PTPRF: variants seen among roughly 807,000 people sequenced by gnomAD.
PTPRF encodes the protein protein tyrosine phosphatase receptor type F.
A neutral mutation model predicts 201.8 loss-of-function variants in PTPRF; 59 were observed. That is an observed-to-expected ratio of 0.29 (90% CI 0.24 to 0.36). PTPRF has a LOEUF of 0.36. PTPRF is among the 10% of genes least tolerant of loss of function. The pLI is 1.00. For missense variants in PTPRF, 2,132 were observed against 2,690.5 expected (o/e 0.79, Z 4.59); for synonymous variants, 1,088 against 1,089.7 (o/e 1.00, Z 0.03).
intron 21 of PTPRF, 84 bp downstream of exon 21, chr1:43,607,052 C>T (rs949740059): frequency 7.1e-6 from 11 of 1,538,506 alleles, no homozygotes; most frequent in African/African-American, 4.1e-5. Flanking sequence ...CTGTGGAGAG[C>T]GTGCAGCCTT....
At chr1:43,618,302 A>T (rs891172060) in intron 25 of PTPRF, among the ~76,000 whole-genome samples, 1 of 152,206 alleles carries the variant, frequency 6.6e-6, no homozygotes, top group Non-Finnish European at 1.5e-5. Flanking sequence ...ACTGCAAAGC[A>T]TTGACTGGAA....
At position 43,597,741 on chromosome 1, in the gene PTPRF, T is replaced by C; in HGVS notation, c.1814-7T>C. 1.3e-6 allele frequency: 2 copies of C among 1,517,950 alleles called. No individual in the cohort carries two copies. The highest frequency in any genetic ancestry group is 9.0e-7 in the Non-Finnish European group (1 of 1,113,576). The allele number at this position is 1,517,950 out of a possible 1,614,324, so 94.0% of individuals were successfully genotyped here. Reference sequence around the variant, plus strand: ...CTGCTTGCTTCCCCCCCATTTGTCTTCCCCAGCCCCCTCCGCCCCTCCCCA... The same window carrying C: ...CTGCTTGCTTCCCCCCCATTTGTCTCCCCCAGCCCCCTCCGCCCCTCCCCA... On this transcript the variant is annotated splice_region_variant and splice_polypyrimidine_tract_variant and intron_variant, in intron 11 of 33. Coordinates refer to ENST00000359947, the MANE Select transcript of PTPRF (RefSeq NM_002840.5).
intron 13 of PTPRF, among the ~76,000 whole-genome samples, chr1:43,601,118 AC>A (rs1275936903): frequency 6.6e-6 from 1 of 152,208 alleles, no homozygotes; most frequent in African/African-American, 2.4e-5. Flanking sequence ...GACAGGAGGA[AC>A]TTAGGCCACC....
intron 7 of PTPRF, chr1:43,580,218 T>C (rs1487763657): frequency 6.6e-6 from 1 of 152,236 alleles, no homozygotes; most frequent in African/African-American, 2.4e-5. Context: ...TGGTGGGTGA[T>C]GGCGGTGGCC....
rs1324438993 is a variant in PTPRF, at chr1:43,620,579, G to A, written c.5364G>A (p.Arg1788=). 1.2e-6 allele frequency: 2 copies of A among 1,613,300 alleles called. No homozygotes were observed. Among genetic ancestry groups the A allele is most frequent in the Non-Finnish European group, 1.7e-6 (2 of 1,179,570 alleles). ...GTGAGTTCAAGGTCACGGATGCCCG[G>A]GTGAGTGAGTGCATTGAGTGTGTCC... ...ILREFKVTDA[R]DGQSRTIRQF... Residue 1788 remains arginine, a splice_region_variant and synonymous_variant, in exon 31 of 34, where the codon CGG becomes CGA. Coordinates refer to ENST00000359947, the MANE Select transcript of PTPRF (RefSeq NM_002840.5).
At chr1:43,581,713 G>A (rs1055914926) in intron 7 of PTPRF, among the ~76,000 whole-genome samples, 7 of 152,226 alleles carry the variant, frequency 4.6e-5, no homozygotes, top group Admixed American at 2.6e-4. Flanking sequence ...GTGGATGGCC[G>A]TGGAGGAGTC....
Position 43,573,977 on chromosome 1 carries a change from CTTTTTTTTTTTTTTTTTTTTTTT to C in PTPRF, c.568+4213_568+4235del, listed in dbSNP as rs77543816. ...CAAAGAGGGTTTGCTTGTGTGGGTT[CTTTTTTTTTTTTTTTTTTTTTTT>C]TTTTTTTTTTTTTGAGACAGAGTTT... On this transcript the variant is annotated intron_variant, in intron 6 of 33. Coordinates refer to ENST00000359947, the MANE Select transcript of PTPRF (RefSeq NM_002840.5). Among the ~76,000 whole-genome samples the C allele has an allele frequency of 1.1e-4, 7 of 63,884 alleles. No homozygotes were observed. The South Asian group carries it at 4.6e-3, about 42-fold the overall frequency. The allele number at this position is 63,884 out of a possible 152,430, so 41.9% of individuals were successfully genotyped here. A position where few individuals can be genotyped will look rare whatever the true frequency, so the allele number is the denominator to read the frequency against.
At chr1:43,604,760 G>C (rs1654631938) in intron 16 of PTPRF, 143 bp from the exon 17 acceptor site, 6 of 701,022 alleles carry the variant, frequency 8.6e-6, no homozygotes, top group Admixed American at 2.3e-5. Context: ...GGCTGGGAGT[G>C]GGGCGCTTGG....
At chr1:43,579,055 T>C (rs1647133257) in intron 7 of PTPRF, 135 bp downstream of exon 7, 1 of 835,804 alleles carries the variant, frequency 1.2e-6, no homozygotes, top group South Asian at 1.4e-5. Flanking sequence ...CCTGCTTCTT[T>C]CTGCAGCAGC....
intron 12 of PTPRF, chr1:43,598,300 A>G (rs1652886358): frequency 6.1e-6 from 3 of 495,210 alleles, no homozygotes; most frequent in Non-Finnish European, 1.1e-5. Flanking sequence ...CCTGTCTAAG[A>G]TTTGAAAGGT....
intron 13 of PTPRF, among the ~76,000 whole-genome samples, chr1:43,599,448 T>C (rs939197003): frequency 9.9e-5 from 15 of 152,024 alleles, no homozygotes; most frequent in Admixed American, 9.2e-4. Context: ...ACAGAAAGGG[T>C]AGAGAGAGTG....
rs959734130 is a variant in PTPRF, at chr1:43,530,911, G to GCGGCTCCAGCTT, written c.-297_-286dup. On this transcript the variant is annotated 5_prime_UTR_variant, in exon 1 of 34. Coordinates refer to ENST00000359947, the MANE Select transcript of PTPRF (RefSeq NM_002840.5). The surrounding 1 kb of genome is among the most constrained non-coding windows in gnomAD (Gnocchi z 4.1). ...GGGAGCGGTGGCGGCGGCAGAGGCG[G>GCGGCTCCAGCTT]CGGCTCCAGCTTCGGCTCCGGCTCG... 4.5e-5 allele frequency: 7 copies of GCGGCTCCAGCTT among 154,202 alleles called. No homozygotes were observed. In the East Asian group the frequency reaches 5.6e-4, roughly 12 times the overall value. 9.6% of individuals were successfully genotyped at this position (154,202 alleles called of 1,614,324 possible).
Position 43,538,255 on chromosome 1 carries a change from C to T in PTPRF, c.-68C>T, listed in dbSNP as rs997836103. The T allele has an allele frequency of 1.5e-5, 6 of 398,464 alleles. No homozygotes were observed. Among genetic ancestry groups the T allele is most frequent in the Non-Finnish European group, 2.7e-5 (6 of 226,106 alleles). 24.7% of individuals were successfully genotyped at this position (398,464 alleles called of 1,614,324 possible). The stretch of plus-strand genomic sequence containing the variant: ...GTGCTGAGTATCCAGCAAGAGTGAC[C>T]GGGGTGAAGAAGCAAAGACTCGGTG... On this transcript the variant is annotated 5_prime_UTR_variant, in exon 2 of 34. Transcript: ENST00000359947.
chr1:43,561,305 C>CTCCCTGCTCCACCTCCT (rs1645791669), intron 5 of PTPRF, among the ~76,000 whole-genome samples: 2 of 152,182 alleles, frequency 1.3e-5, no homozygotes, highest in Non-Finnish European at 1.5e-5. Flanking sequence ...GGAGTCATCT[C>CTCCCTGCTCCACCTCCT]TCCCTGCTCC....
chr1:43,557,506 C>T (rs776324511), intron 5 of PTPRF, among the ~76,000 whole-genome samples: 10 of 152,210 alleles, frequency 6.6e-5, no homozygotes, highest in South Asian at 2.1e-4. Context: ...TGGTGGCGCA[C>T]GCCTGTAGTC....
At chr1:43,582,537 G>A (rs1647967765) in intron 7 of PTPRF, 1 of 151,986 alleles carries the variant, frequency 6.6e-6, no homozygotes, top group African/African-American at 2.4e-5. Flanking sequence ...ACCTGTGCCA[G>A]GACTACCAGC....
chr1:43,536,325 G>T (rs1644004252), intron 1 of PTPRF, among the ~76,000 whole-genome samples: 1 of 152,194 alleles, frequency 6.6e-6, no homozygotes. Context: ...CAAAGTTACT[G>T]TTTGGCTTTT....
At position 43,585,828 on chromosome 1, in the gene PTPRF, G is replaced by A. The variant is rs529330666; in HGVS notation, c.680-2903G>A. ...CCAAGGACCTACTTCCTTCTGCTGG[G>A]GCTCTTTGTCCTGGTATCCAACGAC... On this transcript the variant is annotated intron_variant, in intron 7 of 33. Coordinates refer to ENST00000359947, the MANE Select transcript of PTPRF (RefSeq NM_002840.5). Among the ~76,000 whole-genome samples the A allele has an allele frequency of 2.6e-5, 4 of 152,288 alleles. No individual in the cohort carries two copies. The East Asian group carries it at 7.7e-4, about 29-fold the overall frequency.
Position 43,545,031 on chromosome 1 carries a change from G to A in PTPRF, c.-45G>A, listed in dbSNP as rs1402304887. On this transcript the variant is annotated splice_region_variant and 5_prime_UTR_variant, in exon 3 of 34. Coordinates refer to ENST00000359947, the MANE Select transcript of PTPRF (RefSeq NM_002840.5). The stretch of plus-strand genomic sequence containing the variant: ...GGCTCTGCCCTTCTCTCCATTACAG[G>A]TTGATTGTCCTGGGCTGTGGCTGGC... The A allele has an allele frequency of 6.6e-7, 1 of 1,513,182 alleles. No individual in the cohort carries two copies. Among genetic ancestry groups the A allele is most frequent in the East Asian group, 2.4e-5 (1 of 40,822 alleles). The allele number at this position is 1,513,182 out of a possible 1,614,324, so 93.7% of individuals were successfully genotyped here.
Sources: gnomAD v4.1 joint callset for allele counts (sites outside exome capture counted in the v4.1 genomes callset) on GRCh38, gnomAD v4.1.1 for gene constraint, Gnocchi (gnomAD v3.1) non-coding constraint, MANE v1.5 for transcripts, NCBI Gene and HGNC (gene_info 2026-07-23, HGNC 2026-07-21) for gene names.